STK39: variants seen among roughly 807,000 people sequenced by gnomAD.
The protein encoded by STK39 is serine/threonine kinase 39, also known as STE20/SPS1-related proline-alanine-rich protein kinase.
Under a neutral mutation model 77.8 loss-of-function variants are expected in STK39, and 20 were observed. The observed-to-expected ratio is 0.26, with a 90% CI of 0.18 to 0.37. The LOEUF is 0.37. Ranked by LOEUF, STK39 falls within the 10% of genes least tolerant of loss-of-function variation. The pLI, the probability that STK39 is intolerant of heterozygous loss-of-function variation, is 1.00. For synonymous variants in STK39, 246 were observed against 234.1 expected, an observed-to-expected ratio of 1.05 and a Z score of -0.47; for missense variants, 479 against 656.5, an observed-to-expected ratio of 0.73 and a Z score of 2.95.
chr2:168,017,500 A>G (rs1684445489), intron 14 of STK39, among the ~76,000 whole-genome samples: 1 of 148,488 alleles, frequency 6.7e-6, no homozygotes, highest in South Asian at 2.1e-4. Context: ...CCTCCTGAGT[A>G]GCTGGAATTA....
At chr2:168,061,401 TAAAC>T (rs1278328614) in intron 14 of STK39, among the ~76,000 whole-genome samples, 1 of 152,128 alleles carries the variant, frequency 6.6e-6, no homozygotes, top group African/African-American at 2.4e-5. Context: ...TAAAGAAAGT[TAAAC>T]AAATTATCTT....
At chr2:168,107,773 G>A (rs1166131762) in intron 10 of STK39, among the ~76,000 whole-genome samples, 1 of 152,192 alleles carries the variant, frequency 6.6e-6, no homozygotes, top group Non-Finnish European at 1.5e-5. Flanking sequence ...AATTCACCAA[G>A]TGGTAATAGC....
intron 10 of STK39, among the ~76,000 whole-genome samples, chr2:168,106,177 G>A (rs1370066218): frequency 6.6e-6 from 1 of 152,216 alleles, no homozygotes; most frequent in Admixed American, 6.5e-5. Context: ...CAGGAGGCAA[G>A]ATTGCAACAA....
intron 16 of STK39, among the ~76,000 whole-genome samples, chr2:167,973,426 A>C (rs531192992): frequency 6.6e-6 from 1 of 152,346 alleles, no homozygotes; most frequent in South Asian, 2.1e-4. Context: ...GGTTATAAAG[A>C]AAATGGATTT....
At chr2:168,043,166 T>C (rs1400127243) in intron 14 of STK39, among the ~76,000 whole-genome samples, 3 of 152,206 alleles carry the variant, frequency 2.0e-5, no homozygotes, top group African/African-American at 7.2e-5. Flanking sequence ...GCCCACCTTT[T>C]ACTCAGCAAT....
intron 16 of STK39, among the ~76,000 whole-genome samples, chr2:168,005,392 A>G (rs1052108718): frequency 6.7e-6 from 1 of 149,698 alleles, no homozygotes; most frequent in Non-Finnish European, 1.5e-5. Flanking sequence ...GAGAAAGGCA[A>G]GGAACGTGGG....
intron 10 of STK39, among the ~76,000 whole-genome samples, chr2:168,087,304 C>T (rs1307417275): frequency 2.0e-5 from 3 of 152,204 alleles, no homozygotes; most frequent in African/African-American, 7.2e-5. Flanking sequence ...AGATTTCTGA[C>T]AAGCAACAGA....
At chr2:168,196,449 G>A (rs1205040322) in intron 1 of STK39, among the ~76,000 whole-genome samples, 1 of 152,196 alleles carries the variant, frequency 6.6e-6, no homozygotes, top group Non-Finnish European at 1.5e-5. Flanking sequence ...AATCACCTGA[G>A]GTCAGGAGTT....
At chr2:168,149,618 C>T (rs187432646) in intron 5 of STK39, among the ~76,000 whole-genome samples, 136 of 152,374 alleles carry the variant, frequency 8.9e-4, no homozygotes, top group African/African-American at 2.9e-3. Context: ...CTGATTCACA[C>T]TTCCTGACTG....
chr2:168,056,821 C>G (rs1685539064), intron 14 of STK39, among the ~76,000 whole-genome samples: 1 of 152,126 alleles, frequency 6.6e-6, no homozygotes, highest in Admixed American at 6.5e-5. Context: ...CAACACCAGC[C>G]AAAAGCAGCC....
At chr2:168,040,307 A>G (rs2105351016) in intron 14 of STK39, among the ~76,000 whole-genome samples, 1 of 152,350 alleles carries the variant, frequency 6.6e-6, no homozygotes, top group African/African-American at 2.4e-5. Context: ...TGCCAAAAAA[A>G]TTACCATAGG....
At chr2:168,101,619 T>C (rs916215835) in intron 10 of STK39, among the ~76,000 whole-genome samples, 4 of 151,804 alleles carry the variant, frequency 2.6e-5, no homozygotes, top group African/African-American at 9.7e-5. Context: ...GCACCTATAG[T>C]CCCAGCTACT....
chr2:168,032,908 T>C (rs1006734908), intron 14 of STK39, among the ~76,000 whole-genome samples: 1 of 152,188 alleles, frequency 6.6e-6, no homozygotes, highest in African/African-American at 2.4e-5. Flanking sequence ...AATTACTTGG[T>C]TTAAGAAGAA....
intron 1 of STK39, among the ~76,000 whole-genome samples, chr2:168,233,153 G>T (rs1284467061): frequency 6.6e-6 from 1 of 152,058 alleles, no homozygotes; most frequent in Non-Finnish European, 1.5e-5. Flanking sequence ...ATCACATTTT[G>T]AAACTACACA....
At chr2:168,085,100 C>T (rs1161254786) in intron 10 of STK39, among the ~76,000 whole-genome samples, 2 of 152,072 alleles carry the variant, frequency 1.3e-5, no homozygotes, top group Non-Finnish European at 2.9e-5. Flanking sequence ...TTTTTGATAT[C>T]GTACTACAAA....
intron 8 of STK39, among the ~76,000 whole-genome samples, chr2:168,136,689 G>C (rs1574494123): frequency 6.6e-6 from 1 of 152,280 alleles, no homozygotes; most frequent in East Asian, 1.9e-4. Flanking sequence ...TTTTCTTGAA[G>C]ATGTCAAAAA....
chr2:167,993,071 T>C (rs1169318297), intron 16 of STK39, among the ~76,000 whole-genome samples: 1 of 152,240 alleles, frequency 6.6e-6, no homozygotes, highest in Non-Finnish European at 1.5e-5. Flanking sequence ...TATGCTACAC[T>C]GCAGTGATGT....
At chr2:168,066,723 A>G (rs959400876) in intron 12 of STK39, among the ~76,000 whole-genome samples, 38 of 152,200 alleles carry the variant, frequency 2.5e-4, no homozygotes, top group African/African-American at 8.7e-4. Flanking sequence ...GGGCTAATCA[A>G]CTAGGCGGGG....
intron 10 of STK39, among the ~76,000 whole-genome samples, chr2:168,084,317 C>T (rs1408844185): frequency 6.6e-6 from 1 of 152,226 alleles, no homozygotes; most frequent in African/African-American, 2.4e-5. Context: ...TGTAACTAAT[C>T]ACCCTAAAAC....
Sources: gnomAD v4.1 joint callset for allele counts (sites outside exome capture counted in the v4.1 genomes callset) on GRCh38, gnomAD v4.1.1 for gene constraint, MANE v1.5 for transcripts, NCBI Gene and HGNC (gene_info 2026-07-23, HGNC 2026-07-21) for gene names.